The following HDAC9 variants were observed in gnomAD, a reference collection of about 807,000 sequenced individuals.
HDAC9 encodes MEF-2 interacting transcription repressor (MITR) protein.
Under a neutral mutation model 139.4 loss-of-function variants are expected in HDAC9, and 41 were observed. That is an observed-to-expected ratio of 0.29 (90% CI 0.23 to 0.38). The LOEUF (loss-of-function observed/expected upper bound fraction) is 0.38. Among genes scored for constraint, HDAC9 ranks in the 10% least tolerant of loss-of-function variants. The pLI is 1.00. For synonymous variants in HDAC9, 517 were observed against 476.2 expected, an observed-to-expected ratio of 1.09 and a Z score of -1.12; for missense variants, 1,147 against 1,297.0, an observed-to-expected ratio of 0.88 and a Z score of 1.78.
At chr7:18,438,656 GT>G (rs1244070200) in intron 1 of HDAC9, among the ~76,000 whole-genome samples, 1 of 151,270 alleles carries the variant, frequency 6.6e-6, no homozygotes, top group African/African-American at 2.4e-5. Context: ...GTGTGTGTGT[GT>G]GTGTGTGTGT....
At chr7:18,531,603 T>C (rs1315899426) in intron 2 of HDAC9, among the ~76,000 whole-genome samples, 2 of 152,048 alleles carry the variant, frequency 1.3e-5, no homozygotes, top group Non-Finnish European at 2.9e-5. Flanking sequence ...TATATGTTGC[T>C]CCTTGACAGT....
intron 2 of HDAC9, among the ~76,000 whole-genome samples, chr7:18,522,969 A>T (rs1805574078): frequency 6.6e-6 from 1 of 152,212 alleles, no homozygotes; most frequent in South Asian, 2.1e-4. Context: ...CACATTGTCT[A>T]GAGTGGAGGA....
At chr7:18,949,596 C>T in intron 23 of HDAC9, 1 of 186,038 alleles carries the variant, frequency 5.4e-6, no homozygotes, top group Non-Finnish European at 1.2e-5. Context: ...ATGTGCAATT[C>T]ATCATAGGTA....
At chr7:18,216,060 G>T (rs1186903480) in intron 2 of HDAC9, among the ~76,000 whole-genome samples, 2 of 151,358 alleles carry the variant, frequency 1.3e-5, no homozygotes, top group Non-Finnish European at 2.9e-5. Flanking sequence ...TTATTTTTAG[G>T]TGTATGCAGC....
intron 14 of HDAC9, among the ~76,000 whole-genome samples, chr7:18,753,734 C>T (rs1788645153): frequency 6.6e-6 from 1 of 152,054 alleles, no homozygotes; most frequent in African/African-American, 2.4e-5. Flanking sequence ...GATGATCATT[C>T]AATATTAGAT....
At chr7:18,166,288 C>T (rs1788008867) in intron 2 of HDAC9, among the ~76,000 whole-genome samples, 1 of 152,160 alleles carries the variant, frequency 6.6e-6, no homozygotes, top group Non-Finnish European at 1.5e-5. Context: ...ATAAAGCTAG[C>T]TCATCTCTCT....
intron 21 of HDAC9, among the ~76,000 whole-genome samples, chr7:18,858,237 T>C (rs1797838212): frequency 1.3e-5 from 2 of 152,162 alleles, no homozygotes; most frequent in Non-Finnish European, 2.9e-5. Flanking sequence ...ACTCAATTCT[T>C]AGGCTGCTGT....
chr7:18,548,796 A>G (rs143920553), intron 2 of HDAC9, among the ~76,000 whole-genome samples: 1 of 152,328 alleles, frequency 6.6e-6, no homozygotes, highest in East Asian at 1.9e-4. Flanking sequence ...CAGTGGGTAA[A>G]TATATATATC....
chr7:18,559,501 A>G (rs1296870911), intron 2 of HDAC9, among the ~76,000 whole-genome samples: 2 of 152,166 alleles, frequency 1.3e-5, no homozygotes, highest in African/African-American at 2.4e-5. Context: ...GCAAGCCTGA[A>G]CCATCCCTGA....
At chr7:18,308,678 T>C (rs1450473099) in intron 1 of HDAC9, among the ~76,000 whole-genome samples, 1 of 152,194 alleles carries the variant, frequency 6.6e-6, no homozygotes, top group African/African-American at 2.4e-5. Flanking sequence ...GTGGAAACTA[T>C]ATTAAGCAAG....
At chr7:18,153,948 C>T (rs547516893) in intron 1 of HDAC9, among the ~76,000 whole-genome samples, 1 of 152,282 alleles carries the variant, frequency 6.6e-6, no homozygotes, top group East Asian at 1.9e-4. Flanking sequence ...ATTGTATGGA[C>T]TGCTAGCAAC....
chr7:18,291,030 G>T (rs1270408774), intron 1 of HDAC9, among the ~76,000 whole-genome samples: 1 of 152,112 alleles, frequency 6.6e-6, no homozygotes. Context: ...CTATCACATA[G>T]CTTCAACAGC....
intron 11 of HDAC9, among the ~76,000 whole-genome samples, chr7:18,663,651 GT>G (rs1793911436): frequency 6.6e-6 from 1 of 152,076 alleles, no homozygotes; most frequent in Non-Finnish European, 1.5e-5. Context: ...AATCCTTAGT[GT>G]CATTGGTCCA....
At chr7:18,541,717 G>A (rs1813033215) in intron 2 of HDAC9, among the ~76,000 whole-genome samples, 1 of 152,152 alleles carries the variant, frequency 6.6e-6, no homozygotes, top group African/African-American at 2.4e-5. Context: ...AATGAATTAT[G>A]TGTTTAAATG....
At chr7:18,583,763 A>G (rs1001895880) in intron 2 of HDAC9, among the ~76,000 whole-genome samples, 2 of 152,116 alleles carry the variant, frequency 1.3e-5, no homozygotes, top group African/African-American at 2.4e-5. Flanking sequence ...AGCCTAAAAA[A>G]TCTTTCAGTT....
At chr7:18,402,295 G>A (rs942690958) in intron 1 of HDAC9, among the ~76,000 whole-genome samples, 13 of 152,130 alleles carry the variant, frequency 8.5e-5, no homozygotes, top group Admixed American at 6.5e-4. Flanking sequence ...AACAGAGTAA[G>A]CTGTCTATCC....
At chr7:18,712,875 A>C (rs182221482) in intron 12 of HDAC9, among the ~76,000 whole-genome samples, 2 of 152,206 alleles carry the variant, frequency 1.3e-5, no homozygotes, top group Non-Finnish European at 2.9e-5. Context: ...GCAAGAGTTT[A>C]TTCATGTAAG....
At chr7:18,509,076 T>C (rs952479448) in intron 2 of HDAC9, among the ~76,000 whole-genome samples, 1 of 152,252 alleles carries the variant, frequency 6.6e-6, no homozygotes, top group African/African-American at 2.4e-5. Context: ...AGCTAAGAGC[T>C]ATTTTTCCTC....
intron 24 of HDAC9, among the ~76,000 whole-genome samples, chr7:18,956,689 C>A (rs926477166): frequency 6.6e-6 from 1 of 152,152 alleles, no homozygotes; most frequent in African/African-American, 2.4e-5. Flanking sequence ...GAATCTTTGC[C>A]ACCAGATACC....
Sources: gnomAD v4.1 joint callset for allele counts (sites outside exome capture counted in the v4.1 genomes callset) on GRCh38, gnomAD v4.1.1 for gene constraint, MANE v1.5 for transcripts, NCBI Gene and HGNC (gene_info 2026-07-23, HGNC 2026-07-21) for gene names.